MROH9: variants seen among roughly 807,000 people sequenced by gnomAD.
MROH9 encodes the protein maestro heat like repeat family member 9, also known as maestro heat-like repeat-containing protein family member 9.
MROH9 carries 92 observed loss-of-function variants against 98.2 expected under a neutral mutation model. That is an observed-to-expected ratio of 0.94 (90% CI 0.79 to 1.11). MROH9 has a LOEUF of 1.11. Ranked by LOEUF, MROH9 falls within the 50% of genes most tolerant of loss-of-function variation. The probability of loss-of-function intolerance (pLI) is 0.00; values close to 1 mark genes in which losing one functional copy is unlikely to be tolerated. For missense variants in MROH9, 1,057 were observed against 1,014.8 expected (o/e 1.04, Z -0.57); for synonymous variants, 397 against 368.9 (o/e 1.08, Z -0.87).
intron 17 of MROH9, among the ~76,000 whole-genome samples, chr1:171,019,645 C>G (rs1652443118): frequency 6.7e-6 from 1 of 148,664 alleles, no homozygotes; most frequent in Non-Finnish European, 1.5e-5. Context: ...AACGAGACTC[C>G]ATCAAAAAAA....
chr1:170,948,530 TC>T (rs1438110568), intron 3 of MROH9, among the ~76,000 whole-genome samples: 1 of 152,082 alleles, frequency 6.6e-6, no homozygotes, highest in Non-Finnish European at 1.5e-5. Context: ...AATCACTCAT[TC>T]ATTTATTCAA....
chr1:170,964,953 ACC>A, intron 6 of MROH9, among the ~76,000 whole-genome samples, 196 bp from the exon 7 acceptor site: 1 of 152,096 alleles, frequency 6.6e-6, no homozygotes, highest in South Asian at 2.1e-4. Context: ...ATAAAATAAA[ACC>A]CAGATACAGT....
chr1:171,003,758 G>A (rs954364238), intron 15 of MROH9, among the ~76,000 whole-genome samples: 1 of 152,210 alleles, frequency 6.6e-6, no homozygotes, highest in Non-Finnish European at 1.5e-5. Context: ...ATCATCAGCT[G>A]TAGTAGTGTG....
intron 2 of MROH9, among the ~76,000 whole-genome samples, chr1:170,945,810 T>C (rs1381807170): frequency 6.6e-6 from 1 of 152,044 alleles, no homozygotes; most frequent in African/African-American, 2.4e-5. Flanking sequence ...TATTCTCTGA[T>C]TACAATGCAA....
chr1:171,037,912 C>T (rs1920142), intron 20 of MROH9, among the ~76,000 whole-genome samples: 75,972 of 151,760 alleles, frequency 0.5, 21,344 homozygotes, highest in South Asian at 0.75. Flanking sequence ...ACTCCCATTT[C>T]ATTTCTTACA....
At position 171,005,643 on chromosome 1, in the gene MROH9, AATTT is replaced by A. The variant is rs573147074; in HGVS notation, c.1596+7373_1596+7376del. 5.1e-3 allele frequency among the ~76,000 whole-genome samples: 784 copies of A among 152,248 alleles called. 1 individual carries two copies. Among genetic ancestry groups the A allele is most frequent in the Non-Finnish European group, 8.3e-3 (563 of 68,020 alleles). On this transcript the variant is annotated intron_variant, in intron 15 of 21. Coordinates refer to ENST00000367759, the MANE Select transcript of MROH9 (RefSeq NM_001163629.2). Reference sequence around the variant, plus strand: ...TATTTTGTATTCTGCAGCTTTACTGAATTTATTACGCCCAACAGGCATTTTATGG... The same window carrying A: ...TATTTTGTATTCTGCAGCTTTACTGAATTACGCCCAACAGGCATTTTATGG...
At chr1:170,970,670 C>G (rs1650407093) in intron 7 of MROH9, among the ~76,000 whole-genome samples, 1 of 150,478 alleles carries the variant, frequency 6.6e-6, no homozygotes, top group South Asian at 2.1e-4. Flanking sequence ...CTAGATGACC[C>G]AGGTCACTTC....
At chr1:170,936,544 A>C (rs1012383519) in intron 1 of MROH9, among the ~76,000 whole-genome samples, 3 of 152,212 alleles carry the variant, frequency 2.0e-5, no homozygotes, top group Non-Finnish European at 4.4e-5. Context: ...GACATACCCC[A>C]AAATAATGTT....
chr1:170,981,864 A>G (rs1409474034), intron 8 of MROH9, among the ~76,000 whole-genome samples: 2 of 152,320 alleles, frequency 1.3e-5, no homozygotes, highest in East Asian at 3.9e-4. Context: ...TATACTTATT[A>G]AAGAAATGTA....
chr1:171,031,040 C>A (rs925449941), intron 20 of MROH9, among the ~76,000 whole-genome samples: 14 of 152,256 alleles, frequency 9.2e-5, no homozygotes, highest in African/African-American at 3.4e-4. Flanking sequence ...AATGTAATGT[C>A]CTTTTTCTTC....
At chr1:170,966,038 A>G (rs935410410) in intron 7 of MROH9, among the ~76,000 whole-genome samples, 1 of 152,092 alleles carries the variant, frequency 6.6e-6, no homozygotes, top group African/African-American at 2.4e-5. Context: ...TGCTTCAAAC[A>G]ATACAAAACA....
intron 1 of MROH9, among the ~76,000 whole-genome samples, chr1:170,939,712 G>T (rs1236677714): frequency 6.6e-6 from 1 of 152,116 alleles, no homozygotes; most frequent in Non-Finnish European, 1.5e-5. Flanking sequence ...ATGGCTTGGT[G>T]GGTTGGATAA....
chr1:171,056,061 C>T (rs966018699), intron 20 of MROH9, among the ~76,000 whole-genome samples: 1 of 152,208 alleles, frequency 6.6e-6, no homozygotes, highest in Non-Finnish European at 1.5e-5. Context: ...GCCTTAACCC[C>T]AGAGCCATGC....
At chr1:170,971,597 A>G in intron 7 of MROH9, 151 bp from the exon 8 acceptor site, 1 of 861,606 alleles carries the variant, frequency 1.2e-6, no homozygotes, top group Non-Finnish European at 1.8e-6. Context: ...ATTGAGAGTC[A>G]GTAACGGGGC....
At chr1:170,955,021 C>T (rs535408419) in intron 3 of MROH9, among the ~76,000 whole-genome samples, 109 of 152,152 alleles carry the variant, frequency 7.2e-4, no homozygotes, top group African/African-American at 2.4e-3. Flanking sequence ...GCCTTTGCAT[C>T]CTCATAGCTT....
chr1:170,956,382 G>A (rs547428588), intron 3 of MROH9, among the ~76,000 whole-genome samples: 62 of 151,990 alleles, frequency 4.1e-4, no homozygotes, highest in Non-Finnish European at 6.8e-4. Context: ...TGGGGATTGC[G>A]TTGAATTTGT....
chr1:171,012,693 CG>C (rs1367142213), intron 15 of MROH9, among the ~76,000 whole-genome samples: 6 of 151,858 alleles, frequency 4.0e-5, no homozygotes, highest in Non-Finnish European at 7.4e-5. Flanking sequence ...TTAGTAGAGA[CG>C]GGGTTTCACC....
At chr1:171,044,998 TTTTTTTTTTTTTTTTTTTTTTG>T (rs1653422462) in intron 20 of MROH9, among the ~76,000 whole-genome samples, 1 of 60,406 alleles carries the variant, frequency 1.7e-5, no homozygotes, top group Admixed American at 1.8e-4. Context: ...TTTTTTTTTT[TTTTTTTTTTTTTTTTTTTTTTG>T]AGATGGAGTC....
In MROH9 at chr1:171,016,819, T is replaced by C. The variant is rs148223052; in HGVS notation, c.1908+483T>C. On this transcript the variant is annotated intron_variant, in intron 17 of 21. Transcript: ENST00000367759. Reference sequence around the variant, plus strand: ...GTTATTATCATATAAAACTTGAATTTAAAAGTATTTTATCAGAAAGTTGTT... The same window carrying C: ...GTTATTATCATATAAAACTTGAATTCAAAAGTATTTTATCAGAAAGTTGTT... Among the ~76,000 whole-genome samples, 3 of 152,348 alleles carry C rather than the reference T, an allele frequency of 2.0e-5. No homozygotes were observed. The East Asian group carries it at 5.8e-4, about 29-fold the overall frequency.
Sources: allele counts gnomAD v4.1 joint callset (sites outside exome capture counted in the v4.1 genomes callset), GRCh38; gene constraint gnomAD v4.1.1; transcripts MANE v1.5; gene names NCBI Gene and HGNC (gene_info 2026-07-23, HGNC 2026-07-21).